Variants in EXOC2 observed in about 807,000 individuals in gnomAD.
EXOC2 encodes the protein exocyst complex component 2, also known as SEC5-like 1.
EXOC2 carries 70 observed loss-of-function variants against 131.8 expected under a neutral mutation model. That is an observed-to-expected ratio of 0.53 (90% CI 0.44 to 0.65). EXOC2 has a LOEUF of 0.65. Among genes scored for constraint, EXOC2 ranks in the 30% least tolerant of loss-of-function variants. The pLI is 0.00. For synonymous variants in EXOC2, 411 were observed against 398.4 expected (o/e 1.03, Z -0.38); for missense variants, 923 against 1,108.6 (o/e 0.83, Z 2.38).
At chr6:664,677 A>G (rs375981415) in intron 1 of EXOC2, among the ~76,000 whole-genome samples, 1 of 152,194 alleles carries the variant, frequency 6.6e-6, no homozygotes, top group Non-Finnish European at 1.5e-5. Context: ...AAACAAAACC[A>G]TAAAGTGGGG....
At chr6:519,084 CGCCG>C (rs1765324725) in intron 23 of EXOC2, among the ~76,000 whole-genome samples, 1 of 144,634 alleles carries the variant, frequency 6.9e-6, no homozygotes, top group Admixed American at 6.8e-5. Flanking sequence ...ACCCACCGAG[CGCCG>C]ACACTCACCG....
chr6:649,640 A>G (rs76870150), intron 1 of EXOC2, among the ~76,000 whole-genome samples: 5,574 of 152,374 alleles, frequency 0.037, 154 homozygotes, highest in South Asian at 0.061. Flanking sequence ...TTAACCGTGG[A>G]AAGAGACACT....
At chr6:487,788 A>AATAATAATCT (rs1253901631) in intron 27 of EXOC2, among the ~76,000 whole-genome samples, 6 of 152,172 alleles carry the variant, frequency 3.9e-5, no homozygotes, top group African/African-American at 1.4e-4. Flanking sequence ...GTTTAACAGT[A>AATAATAATCT]CTGAGGTCAA....
chr6:680,410 T>G (rs1043821362), intron 1 of EXOC2, among the ~76,000 whole-genome samples: 1 of 152,238 alleles, frequency 6.6e-6, no homozygotes, highest in South Asian at 2.1e-4. Flanking sequence ...GCTAGAAGGA[T>G]GCACACCAGG....
chr6:691,460 G>A (rs1163466391), intron 1 of EXOC2, among the ~76,000 whole-genome samples: 2 of 152,086 alleles, frequency 1.3e-5, no homozygotes, highest in Non-Finnish European at 2.9e-5. Flanking sequence ...GCAGACTATG[G>A]GGATAATAAC....
chr6:495,878 C>T (rs6915195), intron 25 of EXOC2, among the ~76,000 whole-genome samples: 14 of 151,820 alleles, frequency 9.2e-5, no homozygotes, highest in East Asian at 1.9e-4. Context: ...TCCCACGGGT[C>T]GAGAGCTCCG....
intron 7 of EXOC2, among the ~76,000 whole-genome samples, chr6:605,797 G>T (rs866225802): frequency 6.6e-6 from 1 of 152,214 alleles, no homozygotes; most frequent in South Asian, 2.1e-4. Flanking sequence ...TGATGTTAGG[G>T]TGTCAATTTT....
chr6:638,345 A>T (rs2073008), intron 1 of EXOC2, among the ~76,000 whole-genome samples: 30,367 of 152,154 alleles, frequency 0.2, 3,398 homozygotes, highest in East Asian at 0.32. Context: ...TAATATGCTC[A>T]AATCAATGCA....
intron 23 of EXOC2, among the ~76,000 whole-genome samples, chr6:513,721 C>A (rs1764980544): frequency 6.6e-6 from 1 of 152,194 alleles, no homozygotes; most frequent in African/African-American, 2.4e-5. Context: ...TGAATTTACT[C>A]TGGTTGTCAC....
At position 505,342 on chromosome 6, in the gene EXOC2, C is replaced by T. The variant is rs886170771; in HGVS notation, c.2381-5642G>A. On this transcript the variant is annotated intron_variant, in intron 23 of 27. Coordinates refer to ENST00000230449, the MANE Select transcript of EXOC2 (RefSeq NM_018303.6). ...CCGGTGATGGCTGGGGAAGACTTTG[C>T]TTCTGTGGCGACATCTGAGCCGTGG... is the stretch of plus-strand genomic sequence containing the variant. Among the ~76,000 whole-genome samples the T allele has an allele frequency of 5.3e-5, 8 of 152,272 alleles. No homozygotes were observed. The South Asian group carries it at 1.5e-3, about 28-fold the overall frequency.
intron 15 of EXOC2, 37 bp from the exon 16 acceptor site, chr6:564,191 TG>T: frequency 1.2e-6 from 2 of 1,606,168 alleles, no homozygotes; most frequent in Non-Finnish European, 1.7e-6. Context: ...GTGAGCAGAG[TG>T]GGATCGCAAA....
At chr6:598,574 C>T (rs1344478102) in intron 9 of EXOC2, among the ~76,000 whole-genome samples, 1 of 152,162 alleles carries the variant, frequency 6.6e-6, no homozygotes, top group Non-Finnish European at 1.5e-5. Flanking sequence ...CTAGAAAATA[C>T]TTGTCATTGA....
chr6:491,377 T>C (rs114122513), intron 25 of EXOC2, among the ~76,000 whole-genome samples, 191 bp from the exon 26 acceptor site: 3,667 of 152,356 alleles, frequency 0.024, 61 homozygotes, highest in Middle Eastern at 0.11. Context: ...AAATGTTCGT[T>C]GACTGAAAAT....
In EXOC2 at chr6:656,800, G is replaced by A. The variant is rs756473752; in HGVS notation, c.-43-18939C>T. On this transcript the variant is annotated intron_variant, in intron 1 of 27. Transcript: ENST00000230449. ...TCGCACCACAGCCTGGCCTCGTGGA[G>A]GCCGCCGGAACCCGCGGGGCCGAAG... 3.7e-6 allele frequency: 6 copies of A among 1,605,482 alleles called. No homozygotes were observed. In the Admixed American group the frequency reaches 1.0e-4, roughly 27 times the overall value.
chr6:499,596 C>CT (rs759170154), intron 24 of EXOC2, 49 bp downstream of exon 24: 74 of 1,477,472 alleles, frequency 5.0e-5, no homozygotes, highest in Middle Eastern at 1.8e-4. Flanking sequence ...TTTCTTTTTT[C>CT]TTTTTTTTGG....
At chr6:558,281 G>C (rs1254861258) in intron 17 of EXOC2, among the ~76,000 whole-genome samples, 1 of 152,120 alleles carries the variant, frequency 6.6e-6, no homozygotes, top group Non-Finnish European at 1.5e-5. Flanking sequence ...GAAACCACCA[G>C]AGGGCATTAT....
At chr6:550,575 A>G (rs566629865) in intron 21 of EXOC2, among the ~76,000 whole-genome samples, 31 of 152,322 alleles carry the variant, frequency 2.0e-4, no homozygotes, top group African/African-American at 7.0e-4. Context: ...GGTATAAGAC[A>G]AGGTAAATAG....
chr6:621,328 C>T (rs756501373), intron 4 of EXOC2, among the ~76,000 whole-genome samples: 6 of 152,212 alleles, frequency 3.9e-5, no homozygotes, highest in Non-Finnish European at 7.3e-5. Context: ...CAGCTCTCCC[C>T]ACAGATATCT....
At chr6:580,175 G>A (rs1000651936) in intron 11 of EXOC2, among the ~76,000 whole-genome samples, 1 of 151,958 alleles carries the variant, frequency 6.6e-6, no homozygotes, top group African/African-American at 2.4e-5. Context: ...TCAAGTAGCT[G>A]AGACTACAGG....
Sources: allele counts gnomAD v4.1 joint callset (sites outside exome capture counted in the v4.1 genomes callset), GRCh38; gene constraint gnomAD v4.1.1; transcripts MANE v1.5; gene names NCBI Gene and HGNC (gene_info 2026-07-23, HGNC 2026-07-21).